Variants in CHERP observed in about 807,000 individuals in gnomAD.
The protein encoded by CHERP is ERPROT 213-21.
In CHERP, 8 loss-of-function variants were observed where a neutral mutation model predicts 113.8. The observed-to-expected ratio is 0.07, with a 90% CI of 0.04 to 0.13. The LOEUF (loss-of-function observed/expected upper bound fraction) is 0.13, where lower values mean the gene tolerates loss of function less well. Ranked by LOEUF, CHERP falls within the 10% of genes least tolerant of loss-of-function variation. CHERP has a pLI of 1.00. For missense variants in CHERP, 884 were observed against 1,298.2 expected, an observed-to-expected ratio of 0.68 and a Z score of 4.90; for synonymous variants, 559 against 524.5, an observed-to-expected ratio of 1.07 and a Z score of -0.90.
chr19:16,524,631 T>C (rs980853693), intron 10 of CHERP, among the ~76,000 whole-genome samples: 2 of 152,002 alleles, frequency 1.3e-5, no homozygotes, highest in East Asian at 3.8e-4. Flanking sequence ...CTCACATCTG[T>C]AGACCCAGCT....
chr19:16,538,180 A>C (rs1456764743), intron 2 of CHERP, among the ~76,000 whole-genome samples: 1 of 150,510 alleles, frequency 6.6e-6, no homozygotes, highest in South Asian at 2.1e-4. Flanking sequence ...CAGGCCTCCA[A>C]CTCCTCCCCA....
chr19:16,530,697 G>A lies in CHERP; in HGVS notation c.787-23C>T. The stretch of plus-strand genomic sequence containing the variant: ...GAGCTGGCGGTGGGAGGAGAGAGAG[G>A]CCGGGTCAGTGGGGAGGGGAAAGGC... On this transcript the variant is annotated intron_variant, in intron 6 of 16. Coordinates refer to ENST00000546361, the MANE Select transcript of CHERP (RefSeq NM_006387.6). The surrounding 1 kb of genome is among the most constrained non-coding windows in gnomAD (Gnocchi z 4.1). The A allele has an allele frequency of 6.2e-7, 1 of 1,613,920 alleles. No homozygotes were observed. The highest frequency in any genetic ancestry group is 2.2e-5 in the East Asian group (1 of 44,874).
Position 16,519,525 on chromosome 19 carries a change from A to T in CHERP, c.2557+96T>A, listed in dbSNP as rs1437394345. 1 of 1,305,574 alleles carries T rather than the reference A, an allele frequency of 7.7e-7. No homozygotes were observed. The highest frequency in any genetic ancestry group is 1.5e-5 in the African/African-American group (1 of 68,578). The allele number at this position is 1,305,574 out of a possible 1,614,324, so 80.9% of individuals were successfully genotyped here. On this transcript the variant is annotated intron_variant, in intron 16 of 16. Transcript: ENST00000546361. The surrounding 1 kb of genome is among the most constrained non-coding windows in gnomAD (Gnocchi z 6.0). ...AGTCAGAACCGGCCTGACTCCATCC[A>T]TCCCCACATGCACTGAGGAAGAGAA...
At position 16,519,830 on chromosome 19, in the gene CHERP, A is replaced by C. The variant is rs2085591456; in HGVS notation, c.2463-115T>G. The C allele has an allele frequency of 4.3e-6, 4 of 929,986 alleles. No individual in the cohort carries two copies. In the South Asian group the frequency reaches 5.4e-5, roughly 13 times the overall value. The allele number at this position is 929,986 out of a possible 1,614,324, so 57.6% of individuals were successfully genotyped here. ...TGCATGCTCACTGTCACCAGGTGAC[A>C]CCGTATGCAGATTTTGCGTCTCTAC... On this transcript the variant is annotated intron_variant, in intron 15 of 16. Coordinates refer to ENST00000546361, the MANE Select transcript of CHERP (RefSeq NM_006387.6). The surrounding 1 kb of genome is among the most constrained non-coding windows in gnomAD (Gnocchi z 6.0).
intron 2 of CHERP, among the ~76,000 whole-genome samples, chr19:16,538,400 C>T (rs2122287565): frequency 6.6e-6 from 1 of 152,360 alleles, no homozygotes; most frequent in South Asian, 2.1e-4. Flanking sequence ...GAAAGCACTT[C>T]TTGGCTGGGT....
chr19:16,542,091 A>G (rs754897676), intron 1 of CHERP, 48 bp from the exon 2 acceptor site: 17 of 1,564,696 alleles, frequency 1.1e-5, no homozygotes, highest in Non-Finnish European at 1.5e-5. Flanking sequence ...AGGACCGCCC[A>G]AAGCCGGGGG....
At position 16,530,920 on chromosome 19, in the gene CHERP, C is replaced by T. The variant is rs370871217; in HGVS notation, c.675-40G>A. 290 of 1,600,782 alleles carry T rather than the reference C, an allele frequency of 1.8e-4. 1 individual carries two copies. The highest frequency in any genetic ancestry group is 4.3e-4 in the East Asian group (19 of 44,550). On this transcript the variant is annotated intron_variant, in intron 5 of 16. Transcript: ENST00000546361. The surrounding 1 kb of genome is among the most constrained non-coding windows in gnomAD (Gnocchi z 4.1). ...CTTTCCGCGCGTCAGGGCCCTGGGG[C>T]GGGACCCGGCCACGCGCCCGTTACC...
Position 16,523,841 on chromosome 19 carries a change from AT to A in CHERP, c.1742-552del, listed in dbSNP as rs2085638975. ...AGCCCCCAGATCCTTAAGACAATAC[AT>A]TCCAGCTGTTGAAGCCGTCCAGGCT... On this transcript the variant is annotated intron_variant, in intron 10 of 16. Coordinates refer to ENST00000546361, the MANE Select transcript of CHERP (RefSeq NM_006387.6). The surrounding 1 kb of genome is among the most constrained non-coding windows in gnomAD (Gnocchi z 4.0). 6.6e-6 allele frequency among the ~76,000 whole-genome samples: 1 copy of A among 152,194 alleles called. No homozygotes were observed. Among genetic ancestry groups the A allele is most frequent in the South Asian group, 2.1e-4 (1 of 4,836 alleles).
chr19:16,535,542 C>T lies in CHERP; in HGVS notation c.294G>A (p.Pro98=), dbSNP rs2085735502. Residue 98 remains proline, a synonymous_variant, in exon 3 of 17, where the codon CCG becomes CCA. Transcript: ENST00000546361. The surrounding 1 kb of genome is among the most constrained non-coding windows in gnomAD (Gnocchi z 4.3). ...PPLAPAAPIP[P]AQGAPSMDEL... ...CGTCCATGGATGGCGCGCCCTGGGC[C>T]GGCGGGATGGGCGCGGCGGGGGCCA... The T allele has an allele frequency of 1.0e-5, 16 of 1,596,394 alleles. No homozygotes were observed. Among genetic ancestry groups the T allele is most frequent in the Non-Finnish European group, 1.4e-5 (16 of 1,172,048 alleles).
chr19:16,533,210 C>G (rs1204731376), intron 3 of CHERP, 62 bp from the exon 4 acceptor site: 2 of 1,520,362 alleles, frequency 1.3e-6, no homozygotes, highest in African/African-American at 1.4e-5. Context: ...CTGAGCCCTC[C>G]GGCCTGGCTC....
Position 16,518,096 on chromosome 19 carries a change from T to C in CHERP, c.*1063A>G, listed in dbSNP as rs1454495171. On this transcript the variant is annotated 3_prime_UTR_variant, in exon 17 of 17. Coordinates refer to ENST00000546361, the MANE Select transcript of CHERP (RefSeq NM_006387.6). ...TATTGAAAAGAATTTTTCAAAAATG[T>C]TTCTGTACAAATGAATGGAATTGCA... 1 of 152,112 alleles carries C rather than the reference T, an allele frequency of 6.6e-6. No individual in the cohort carries two copies. The highest frequency in any genetic ancestry group is 6.6e-5 in the Admixed American group (1 of 15,246). The allele number at this position is 152,112 out of a possible 1,614,324, so 9.4% of individuals were successfully genotyped here. A position where few individuals can be genotyped will look rare whatever the true frequency, so the allele number is the denominator to read the frequency against.
At chr19:16,529,501 T>C (rs1026598265) in intron 8 of CHERP, 147 bp downstream of exon 8, 3 of 982,920 alleles carry the variant, frequency 3.1e-6, no homozygotes, top group Admixed American at 2.7e-5. Flanking sequence ...TGCTTGTAAA[T>C]GGATGAAAAC....
In CHERP at chr19:16,530,784, C is replaced by T; in HGVS notation, c.771G>A (p.Gln257=). The T allele has an allele frequency of 6.2e-7, 1 of 1,614,038 alleles. No individual in the cohort carries two copies. The highest frequency in any genetic ancestry group is 1.1e-5 in the South Asian group (1 of 91,088). ...GCCCACGCACCCGGGCGATCTTCTG[C>T]TGCTTGTCTTCCTCCACGGCCAAGA... is the stretch of plus-strand genomic sequence containing the variant. The part of the protein sequence containing the change: ...TSFLAVEEDK[Q]QKIARLLQLW... The change falls in exon 6 of 17, where the codon CAG becomes CAA. Residue 257 remains glutamine (Q), a synonymous_variant. Transcript: ENST00000546361. This position sits in a 1 kb window ranked among gnomAD's most constrained non-coding sequence, Gnocchi z 4.1.
chr19:16,521,424 C>T (rs2085614430), intron 12 of CHERP, 97 bp downstream of exon 12: 2 of 1,227,984 alleles, frequency 1.6e-6, no homozygotes, highest in East Asian at 2.6e-5. Flanking sequence ...TCCTGAGGGA[C>T]AGCCACATTT....
chr19:16,522,668 T>G (rs974007887), intron 11 of CHERP, among the ~76,000 whole-genome samples: 1 of 152,182 alleles, frequency 6.6e-6, no homozygotes, highest in African/African-American at 2.4e-5. Context: ...CCCCTCCCTG[T>G]GTGCTTGGTA....
Position 16,534,126 on chromosome 19 carries a change from T to C in CHERP, c.385-978A>G, listed in dbSNP as rs980581887. On this transcript the variant is annotated intron_variant, in intron 3 of 16. Coordinates refer to ENST00000546361, the MANE Select transcript of CHERP (RefSeq NM_006387.6). ...TGAAGTGCAATGGCATAATCTCAGC[T>C]CACTGCAACCGCCACTTCCCGGGTT... Among the ~76,000 whole-genome samples the C allele has an allele frequency of 3.3e-5, 5 of 151,318 alleles. No individual in the cohort carries two copies. In the South Asian group the frequency reaches 1.0e-3, roughly 31 times the overall value.
intron 8 of CHERP, 81 bp from the exon 9 acceptor site, chr19:16,528,336 C>G: frequency 7.3e-7 from 1 of 1,377,018 alleles, no homozygotes; most frequent in Admixed American, 2.3e-5. Flanking sequence ...CAGAGCAAAC[C>G]AGGCTACCGC....
At chr19:16,533,815 A>G (rs563131644) in intron 3 of CHERP, among the ~76,000 whole-genome samples, 176 of 152,260 alleles carry the variant, frequency 1.2e-3, no homozygotes, top group African/African-American at 3.9e-3. Context: ...GAAAAGAAAA[A>G]AAAAGACAAA....
chr19:16,532,581 G>A lies in CHERP; in HGVS notation c.674+17C>T, dbSNP rs778854825. ...CGCGAGGAAGTGGCGCTCTGGGCACGGGGTGGCGGCGCTCACCAGTGGTGC... is the reference window on the plus strand; with the variant it reads ...CGCGAGGAAGTGGCGCTCTGGGCACAGGGTGGCGGCGCTCACCAGTGGTGC... On this transcript the variant is annotated intron_variant, in intron 5 of 16. Transcript: ENST00000546361. This position sits in a 1 kb window ranked among gnomAD's most constrained non-coding sequence, Gnocchi z 4.4. 16 of 1,581,802 alleles carry A rather than the reference G, an allele frequency of 1.0e-5. No individual in the cohort carries two copies. Among genetic ancestry groups the A allele is most frequent in the Non-Finnish European group, 1.3e-5 (15 of 1,163,644 alleles).
Sources: allele counts gnomAD v4.1 joint callset (sites outside exome capture counted in the v4.1 genomes callset), GRCh38; gene constraint gnomAD v4.1.1; non-coding constraint Gnocchi (gnomAD v3.1); transcripts MANE v1.5; gene names NCBI Gene and HGNC (gene_info 2026-07-23, HGNC 2026-07-21).